The following MKI67 variants were observed in gnomAD, a reference collection of about 807,000 sequenced individuals.
MKI67 encodes the protein marker of proliferation Ki-67.
Under a neutral mutation model 233.5 loss-of-function variants are expected in MKI67, and 152 were observed. The ratio of observed to expected loss-of-function variants is 0.65; its 90% CI spans 0.57 to 0.74. The LOEUF (loss-of-function observed/expected upper bound fraction) is 0.74, where lower values mean the gene tolerates loss of function less well. Ranked by LOEUF, MKI67 falls within the 30% of genes least tolerant of loss-of-function variation. The pLI is 0.00. For missense variants in MKI67, 3,940 were observed against 3,885.2 expected (o/e 1.01, Z -0.37); for synonymous variants, 1,465 against 1,418.5 (o/e 1.03, Z -0.74).
Position 128,115,315 on chromosome 10 carries a change from C to A in MKI67, c.1093G>T (p.Asp365Tyr). 3 of 1,614,058 alleles carry A rather than the reference C, an allele frequency of 1.9e-6. No homozygotes were observed. Among genetic ancestry groups the A allele is most frequent in the Non-Finnish European group, 2.5e-6 (3 of 1,179,982 alleles). ...TCTCTTCTACCAGTAGTATACAGGT[C>A]TTTGTTCTTATGTTTTTGTGGAGAA... ...QNSPQKHKNK[D>Y]LYTTGRRESV... is the part of the protein sequence containing the mutation. The change falls in exon 7 of 15, where the codon GAC becomes TAC. Residue 365 changes from aspartate to tyrosine, a missense_variant. Physicochemically the swap from Asp to Tyr is radical, Grantham distance 160. Transcript: ENST00000368654.
chr10:128,116,432 T>C (rs1361460436), intron 6 of MKI67, 59 bp downstream of exon 6: 11 of 1,472,326 alleles, frequency 7.5e-6, no homozygotes, highest in Non-Finnish European at 8.6e-6. Context: ...TCTTTGCCAA[T>C]ATGCTTCGCA....
Position 128,122,949 on chromosome 10 carries a change from C to T in MKI67, c.219G>A (p.Gly73=). 1 of 1,609,030 alleles carries T rather than the reference C, an allele frequency of 6.2e-7. No individual in the cohort carries two copies. The highest frequency in any genetic ancestry group is 1.3e-5 in the African/African-American group (1 of 74,912). Reference sequence around the variant, plus strand: ...GCCGTACAGGCTCATCAATAACAGACCCATTTACTTGTGTTGGATTTGTGG... The same window carrying T: ...GCCGTACAGGCTCATCAATAACAGATCCATTTACTTGTGTTGGATTTGTGG... ...FSSTNPTQVN[G]SVIDEPVRLK... is the part of the protein sequence containing the mutation. Residue 73 remains glycine, a synonymous_variant, in exon 4 of 15, where the codon GGG becomes GGA. Transcript: ENST00000368654.
intron 4 of MKI67, 101 bp from the exon 5 acceptor site, chr10:128,119,420 G>A: frequency 3.9e-6 from 3 of 775,524 alleles, no homozygotes; most frequent in Non-Finnish European, 6.5e-6. Flanking sequence ...AACAAACTTT[G>A]GGTTTAGTTC....
At position 128,105,675 on chromosome 10, in the gene MKI67, A is replaced by G. The variant is rs562003778; in HGVS notation, c.6165T>C (p.Tyr2055=). ...SAKQMLDPAN[Y]GTGMERWPRT... ...TTGGCCACCTCTCCATCCCAGTTCC[A>G]TAGTTTGCTGGGTCCAGCATCTGCT... Residue 2055 remains tyrosine (Y), a synonymous_variant, in exon 13 of 15, where the codon TAT becomes TAC. Transcript: ENST00000368654. The G allele has an allele frequency of 3.0e-5, 48 of 1,613,578 alleles. No homozygotes were observed. In the South Asian group the frequency reaches 4.8e-4, roughly 16 times the overall value.
rs145483939 is a variant in MKI67 at position 128,109,298 on chromosome 10, T to C, written c.2542A>G (p.Thr848Ala). 1.9e-6 allele frequency: 3 copies of C among 1,614,164 alleles called. No homozygotes were observed. The highest frequency in any genetic ancestry group is 1.6e-4 in the Middle Eastern group (1 of 6,062). ...NGNVAKTPRN[T>A]YKMTSLETKT... The stretch of plus-strand genomic sequence containing the variant: ...GTCTCCAGAGAAGTCATTTTGTAGG[T>C]GTTCCTGGGCGTTTTTGCTACGTTT... Residue 848 changes from threonine to alanine, a missense_variant, in exon 13 of 15, where the codon ACC (threonine) becomes GCC (alanine). Physicochemically the swap from Thr to Ala is moderately conservative, Grantham distance 58. Transcript: ENST00000368654.
chr10:128,108,230 A>G lies in MKI67; in HGVS notation c.3610T>C (p.Leu1204=). 6.2e-7 allele frequency: 1 copy of G among 1,609,264 alleles called. No homozygotes were observed. Among genetic ancestry groups the G allele is most frequent in the South Asian group, 1.1e-5 (1 of 90,850 alleles). ...TGTAGCTGTCTTTTGCTGCCAGGTA[A>G]AGTTCCTGCCAGGTCCAGTTTCTGC... is the stretch of plus-strand genomic sequence containing the variant. The part of the protein sequence containing the change: ...PVQKLDLAGT[L]PGSKRQLQTP... The change falls in exon 13 of 15, where the codon TTA becomes CTA. Residue 1204 remains leucine (L), a synonymous_variant. Transcript: ENST00000368654.
Position 128,101,456 on chromosome 10 carries a change from C to T in MKI67, c.9507G>A (p.Val3169=), listed in dbSNP as rs752523075. The T allele has an allele frequency of 3.7e-6, 6 of 1,614,218 alleles. No homozygotes were observed. The highest frequency in any genetic ancestry group is 4.2e-6 in the Non-Finnish European group (5 of 1,180,044). Residue 3169 remains valine, a synonymous_variant, in exon 14 of 15, where the codon GTG becomes GTA. Transcript: ENST00000368654. ...TCTTCTGCCCTCCGCTCTCCTCTGC[C>T]ACCTTAGGCTGGGAGCTCTCATTCT... ...ARQNESSQPK[V]AEESGGQKSA...
In MKI67 at chr10:128,106,709, C is replaced by T; in HGVS notation, c.5131G>A (p.Ala1711Thr). The T allele has an allele frequency of 6.2e-7, 1 of 1,614,058 alleles. No homozygotes were observed. The highest frequency in any genetic ancestry group is 1.1e-5 in the South Asian group (1 of 91,076). Residue 1711 changes from alanine (A) to threonine (T), a missense_variant, in exon 13 of 15, where the codon GCC becomes ACC. Physicochemically the swap from Ala to Thr is moderately conservative, Grantham distance 58 (BLOSUM62 0). Transcript: ENST00000368654. ...GTCTGGAAGAGCTCGATGAAGCCGG[C>T]CAGGTCTTCAGGGACTTCAGACTTT... ...KGKSEVPEDL[A>T]GFIELFQTPS...
intron 4 of MKI67, among the ~76,000 whole-genome samples, chr10:128,120,442 A>T (rs1325004644): frequency 6.6e-6 from 1 of 152,158 alleles, no homozygotes; most frequent in East Asian, 1.9e-4. Flanking sequence ...CAGTGAGCCA[A>T]GATCACACCA....
Position 128,108,871 on chromosome 10 carries a change from T to A in MKI67, c.2969A>T (p.Asp990Val). The A allele has an allele frequency of 6.2e-7, 1 of 1,614,204 alleles. No homozygotes were observed. Among genetic ancestry groups the A allele is most frequent in the Non-Finnish European group, 8.5e-7 (1 of 1,180,036 alleles). The stretch of plus-strand genomic sequence containing the variant: ...CTCACTCTTTGGTGCCTTGGCATGA[T>A]CTTGGGTTTGGAGGAGATTCTGGCC... Reference protein sequence around the residue: ...ARGQNLLQTQDHAKAPKSEKG... With the variant: ...ARGQNLLQTQVHAKAPKSEKG... Residue 990 changes from aspartate (D) to valine (V), a missense_variant, in exon 13 of 15, where the codon GAT (aspartate) becomes GTT (valine). By Grantham distance (152) the Asp-to-Val change is radical. Coordinates refer to ENST00000368654, the MANE Select transcript of MKI67 (RefSeq NM_002417.5).
Position 128,102,921 on chromosome 10 carries a change from G to T in MKI67, c.8919C>A (p.Asp2973Glu). The change falls in exon 13 of 15, where the codon GAC (aspartate) becomes GAA (glutamate). Residue 2973 changes from aspartate (D) to glutamate (E), a missense_variant. Coordinates refer to ENST00000368654, the MANE Select transcript of MKI67 (RefSeq NM_002417.5). The stretch of plus-strand genomic sequence containing the variant: ...TTACAGGGTCTCTGGTGCTTACCAC[G>T]TCTCCCACGGGTTCTACTTTAGGGG... ...LRAPKVEPVG[D>E]VVSTRDPVKS... is the part of the protein sequence containing the mutation. 6.2e-7 allele frequency: 1 copy of T among 1,614,182 alleles called. No individual in the cohort carries two copies. Among genetic ancestry groups the T allele is most frequent in the Non-Finnish European group, 8.5e-7 (1 of 1,180,048 alleles).
At position 128,101,307 on chromosome 10, in the gene MKI67, A is replaced by G; in HGVS notation, c.9656T>C (p.Val3219Ala). The G allele has an allele frequency of 6.2e-7, 1 of 1,614,222 alleles. No homozygotes were observed. The highest frequency in any genetic ancestry group is 8.5e-7 in the Non-Finnish European group (1 of 1,180,038). Reference protein sequence around the residue: ...PAASTLESKSVQRVTRSVKRC... With the variant: ...PAASTLESKSAQRVTRSVKRC... The stretch of plus-strand genomic sequence containing the variant: ...CTTGACACTCCGCGTTACTCTCTGC[A>G]CAGATTTGCTCTCCAAAGTGCTTGC... Residue 3219 changes from valine to alanine, a missense_variant, in exon 14 of 15, where the codon GTG becomes GCG. Transcript: ENST00000368654.
chr10:128,105,547 GT>G lies in MKI67; in HGVS notation c.6292del (p.Thr2098LeufsTer4). Reference protein sequence around the residue: ...HTEESTTDDKTTKIACKSPPP... With the variant: ...HTEESTTDDKXTKIACKSPPP... Reference sequence around the variant, plus strand: ...TGGAGATTTGCAGGCTATTTTGGTAGTTTTGTCATCAGTTGTTGATTCCTCA... The same window carrying G: ...TGGAGATTTGCAGGCTATTTTGGTAGTTTGTCATCAGTTGTTGATTCCTCA... On this transcript the variant is annotated frameshift_variant, in exon 13 of 15. Transcript: ENST00000368654. LOFTEE classifies it high-confidence loss of function. 1.2e-6 allele frequency: 2 copies of G among 1,613,948 alleles called. No homozygotes were observed. Among genetic ancestry groups the G allele is most frequent in the Non-Finnish European group, 1.7e-6 (2 of 1,179,994 alleles).
chr10:128,115,191 T>A lies in MKI67; in HGVS notation c.1217A>T (p.Glu406Val). ...STRNRTPAKV[E>V]DAADSATKPE... ...CTTAGTGGCAGAGTCAGCTGCATCT[T>A]CAACTTTAGCTGGTGTTCGATTTCT... The change falls in exon 7 of 15, where the codon GAA becomes GTA. Residue 406 changes from glutamate to valine, a missense_variant. Glu to Val is a moderately radical substitution (Grantham distance 121). Coordinates refer to ENST00000368654, the MANE Select transcript of MKI67 (RefSeq NM_002417.5). The A allele has an allele frequency of 6.2e-7, 1 of 1,614,248 alleles. No homozygotes were observed. Among genetic ancestry groups the A allele is most frequent in the Non-Finnish European group, 8.5e-7 (1 of 1,180,052 alleles).
Position 128,104,528 on chromosome 10 carries a change from C to T in MKI67, c.7312G>A (p.Val2438Ile), listed in dbSNP as rs1005769451. The change falls in exon 13 of 15, where the codon GTT (valine) becomes ATT (isoleucine). Residue 2438 changes from valine to isoleucine, a missense_variant. Val to Ile is a conservative substitution (Grantham distance 29). Coordinates refer to ENST00000368654, the MANE Select transcript of MKI67 (RefSeq NM_002417.5). ...KEKAEALEDL[V>I]GFKELFQTPG... ...GTCTGGAAGAGTTCTTTGAAGCCAA[C>T]CAGGTCCTCTAGAGCCTCAGCCTTT... is the stretch of plus-strand genomic sequence containing the variant. The T allele has an allele frequency of 9.9e-6, 16 of 1,614,102 alleles. No individual in the cohort carries two copies. The highest frequency in any genetic ancestry group is 1.3e-5 in the Non-Finnish European group (15 of 1,180,058).
In MKI67 at chr10:128,108,088, C is replaced by T; in HGVS notation, c.3752G>A (p.Cys1251Tyr). ...CACTGGGTCTGACTGTGGAGAGTCGCAGGGTATTTTAGTGGTTTTACCAGC... is the reference window on the plus strand; with the variant it reads ...CACTGGGTCTGACTGTGGAGAGTCGTAGGGTATTTTAGTGGTTTTACCAGC... Reference protein sequence around the residue: ...VAAGKTTKIPCDSPQSDPVDT... With the variant: ...VAAGKTTKIPYDSPQSDPVDT... Residue 1251 changes from cysteine to tyrosine, a missense_variant, in exon 13 of 15, where the codon TGC becomes TAC. Cys to Tyr is a radical substitution (Grantham distance 194). Coordinates refer to ENST00000368654, the MANE Select transcript of MKI67 (RefSeq NM_002417.5). The T allele has an allele frequency of 5.0e-6, 8 of 1,613,018 alleles. No homozygotes were observed. The highest frequency in any genetic ancestry group is 5.9e-6 in the Non-Finnish European group (7 of 1,179,838).
At chr10:128,120,512 A>T (rs1852911625) in intron 4 of MKI67, among the ~76,000 whole-genome samples, 1 of 152,022 alleles carries the variant, frequency 6.6e-6, no homozygotes, top group Admixed American at 6.6e-5. Context: ...AAACAAACAA[A>T]CAAAAAGAAA....
chr10:128,111,545 T>A, intron 11 of MKI67, 100 bp downstream of exon 11: 143 of 859,396 alleles, frequency 1.7e-4, no homozygotes, highest in Middle Eastern at 3.3e-4. Context: ...TATTTTATAA[T>A]CTCTTTCACA....
In MKI67 at chr10:128,103,058, G is replaced by C; in HGVS notation, c.8782C>G (p.Pro2928Ala). 2 of 1,614,258 alleles carry C rather than the reference G, an allele frequency of 1.2e-6. No homozygotes were observed. Among genetic ancestry groups the C allele is most frequent in the South Asian group, 1.1e-5 (1 of 91,090 alleles). ...TTTGCCAGTTCCTCAGTGTGGCCTGGTGTTTGAGAGAGCTCTTGGAAGCTG... is the reference window on the plus strand; with the variant it reads ...TTTGCCAGTTCCTCAGTGTGGCCTGCTGTTTGAGAGAGCTCTTGGAAGCTG... ...LASFQELSQT[P>A]GHTEELANGA... is the part of the protein sequence containing the mutation. Residue 2928 changes from proline (P) to alanine (A), a missense_variant, in exon 13 of 15, where the codon CCA becomes GCA. Coordinates refer to ENST00000368654, the MANE Select transcript of MKI67 (RefSeq NM_002417.5).
Sources: gnomAD v4.1 joint callset for allele counts (sites outside exome capture counted in the v4.1 genomes callset) on GRCh38, gnomAD v4.1.1 for gene constraint, MANE v1.5 for transcripts, NCBI Gene and HGNC (gene_info 2026-07-23, HGNC 2026-07-21) for gene names.